The following ZNF425 variants were observed in gnomAD, a reference collection of about 807,000 sequenced individuals.
ZNF425 encodes zinc finger protein 425.
A neutral mutation model predicts 17.0 loss-of-function variants in ZNF425; 21 were observed. That is an observed-to-expected ratio of 1.23 (90% CI 0.88 to 1.78). The LOEUF (loss-of-function observed/expected upper bound fraction) is 1.78. ZNF425 is among the 40% of genes most tolerant of loss of function. The pLI is 0.00. For missense variants in ZNF425, 868 were observed against 967.3 expected (o/e 0.90, Z 1.36); for synonymous variants, 433 against 384.1 (o/e 1.13, Z -1.49).
intron 1 of ZNF425, among the ~76,000 whole-genome samples, chr7:149,124,037 C>T (rs1238810453): frequency 4.1e-5 from 6 of 144,652 alleles, no homozygotes; most frequent in South Asian, 2.2e-4. Context: ...TTAGTAGAGA[C>T]GGGGTTTCAC....
chr7:149,105,090 G>T lies in ZNF425; in HGVS notation c.781C>A (p.Leu261Ile). 6.2e-7 allele frequency: 1 copy of T among 1,614,230 alleles called. No homozygotes were observed. Among genetic ancestry groups the T allele is most frequent in the Non-Finnish European group, 8.5e-7 (1 of 1,180,036 alleles). Residue 261 changes from leucine (L) to isoleucine (I), a missense_variant, in exon 4 of 4, where the codon CTC (leucine) becomes ATC (isoleucine). Leu to Ile is a conservative substitution (Grantham distance 5). Transcript: ENST00000378061. ...CEKSYFLKGSLVTHQVVHTGQ... is the reference protein window; with the variant it reads ...CEKSYFLKGSIVTHQVVHTGQ... ...GTGTGGACAACCTGATGAGTGACGA[G>T]GCTGCCCTTCAGGAAGTAGCTCTTC...
chr7:149,122,240 C>G (rs1307548717), intron 1 of ZNF425, among the ~76,000 whole-genome samples: 2 of 151,854 alleles, frequency 1.3e-5, no homozygotes, highest in African/African-American at 4.8e-5. Flanking sequence ...CCATCTTTTG[C>G]CCATTTTCTA....
chr7:149,109,626 TTGAC>T (rs1382241700), intron 3 of ZNF425, among the ~76,000 whole-genome samples: 1 of 152,216 alleles, frequency 6.6e-6, no homozygotes, highest in African/African-American at 2.4e-5. Flanking sequence ...TATTTTATAG[TTGAC>T]TAATTCAACT....
intron 2 of ZNF425, among the ~76,000 whole-genome samples, chr7:149,113,761 C>T (rs1826211134): frequency 1.3e-5 from 2 of 151,560 alleles, no homozygotes; most frequent in South Asian, 2.1e-4. Flanking sequence ...CCGTGTTAGC[C>T]AGGATGGTCT....
rs1301862311 is a variant in ZNF425 at position 149,103,797 on chromosome 7, T to G, written c.2074A>C (p.Arg692=). The stretch of plus-strand genomic sequence containing the variant: ...CCACACTCGGGACACTGGAAGGGCC[T>G]CTCTCCACTGTGCTTATACAAGTGG... ...KVHLYKHSGE[R]PFQCPECGKG... Residue 692 remains arginine (R), a synonymous_variant, in exon 4 of 4, where the codon AGG becomes CGG. Transcript: ENST00000378061. The G allele has an allele frequency of 6.2e-7, 1 of 1,608,114 alleles. No individual in the cohort carries two copies. Among genetic ancestry groups the G allele is most frequent in the Non-Finnish European group, 8.5e-7 (1 of 1,178,018 alleles).
At chr7:149,118,887 G>A (rs1563148424) in intron 1 of ZNF425, among the ~76,000 whole-genome samples, 1 of 152,104 alleles carries the variant, frequency 6.6e-6, no homozygotes, top group Non-Finnish European at 1.5e-5. Context: ...TCTAAAAAGG[G>A]ATGCTTTACT....
At chr7:149,124,138 C>T (rs1353089645) in intron 1 of ZNF425, among the ~76,000 whole-genome samples, 3 of 151,086 alleles carry the variant, frequency 2.0e-5, no homozygotes, top group African/African-American at 4.9e-5. Flanking sequence ...TGAGCTACCA[C>T]GCCTGGCCTG....
At chr7:149,115,341 CT>C (rs1245957956) in intron 2 of ZNF425, among the ~76,000 whole-genome samples, 17 of 151,830 alleles carry the variant, frequency 1.1e-4, no homozygotes, top group Non-Finnish European at 2.4e-4. Context: ...GTAATGCAGT[CT>C]AGTGGCATAA....
Position 149,103,567 on chromosome 7 carries a change from T to C in ZNF425, c.*45A>G. ...CCTCAACTTGAGCCAACAGAGCTGCTGGCACCTCCTGAAAGCCGACTGCGT... is the reference window on the plus strand; with the variant it reads ...CCTCAACTTGAGCCAACAGAGCTGCCGGCACCTCCTGAAAGCCGACTGCGT... On this transcript the variant is annotated 3_prime_UTR_variant, in exon 4 of 4. Transcript: ENST00000378061. 1.3e-6 allele frequency: 2 copies of C among 1,537,138 alleles called. No individual in the cohort carries two copies. The highest frequency in any genetic ancestry group is 1.7e-6 in the Non-Finnish European group (2 of 1,147,378).
chr7:149,105,641 A>G (rs1316769722), intron 3 of ZNF425, 75 bp from the exon 4 acceptor site: 3 of 985,900 alleles, frequency 3.0e-6, no homozygotes, highest in Non-Finnish European at 4.0e-6. Context: ...TGTCTTTTAA[A>G]AATTTATTAT....
chr7:149,103,672 G>A lies in ZNF425; in HGVS notation c.2199C>T (p.Tyr733=), dbSNP rs761074911. The A allele has an allele frequency of 1.9e-5, 30 of 1,613,874 alleles. No individual in the cohort carries two copies. The highest frequency in any genetic ancestry group is 3.3e-5 in the Admixed American group (2 of 59,924). ...SCDECGRSFT[Y]VGALKTHIAV... Reference sequence around the variant, plus strand: ...CAATGTGGGTCTTGAGCGCCCCCACGTACGTGAAGCTCCTTCCACACTCAT... The same window carrying A: ...CAATGTGGGTCTTGAGCGCCCCCACATACGTGAAGCTCCTTCCACACTCAT... The change falls in exon 4 of 4, where the codon TAC becomes TAT. Residue 733 remains tyrosine, a synonymous_variant. Coordinates refer to ENST00000378061, the MANE Select transcript of ZNF425 (RefSeq NM_001001661.3).
At chr7:149,114,693 G>A (rs1182758441) in intron 2 of ZNF425, among the ~76,000 whole-genome samples, 2 of 150,820 alleles carry the variant, frequency 1.3e-5, no homozygotes, top group East Asian at 3.9e-4. Context: ...CACTGTGCCC[G>A]GCCCAATATT....
chr7:149,114,351 C>G (rs538266396), intron 2 of ZNF425, among the ~76,000 whole-genome samples: 1 of 146,250 alleles, frequency 6.8e-6, no homozygotes, highest in African/African-American at 2.5e-5. Flanking sequence ...GAATTACAGG[C>G]GTGAGCCACT....
At position 149,126,292 on chromosome 7, in the gene ZNF425, T is replaced by G; in HGVS notation, c.-79A>C. ...CCAACCCAACTCCCAGGTACAGCCCTGCTGGCCCCCAAAGGCAGAGCCGGC... is the reference window on the plus strand; with the variant it reads ...CCAACCCAACTCCCAGGTACAGCCCGGCTGGCCCCCAAAGGCAGAGCCGGC... On this transcript the variant is annotated 5_prime_UTR_variant, in exon 1 of 4. Coordinates refer to ENST00000378061, the MANE Select transcript of ZNF425 (RefSeq NM_001001661.3). 6.5e-7 allele frequency: 1 copy of G among 1,548,406 alleles called. No homozygotes were observed. Among genetic ancestry groups the G allele is most frequent in the Non-Finnish European group, 8.7e-7 (1 of 1,147,620 alleles).
At chr7:149,106,587 G>T (rs1363614732) in intron 3 of ZNF425, among the ~76,000 whole-genome samples, 2 of 152,148 alleles carry the variant, frequency 1.3e-5, no homozygotes, top group Non-Finnish European at 2.9e-5. Flanking sequence ...GAATCCCACT[G>T]ATCTCAATGA....
rs1394462069 is a variant in ZNF425 at position 149,103,717 on chromosome 7, C to T, written c.2154G>A (p.Gly718=). 6.2e-7 allele frequency: 1 copy of T among 1,614,204 alleles called. No homozygotes were observed. The highest frequency in any genetic ancestry group is 1.7e-5 in the Admixed American group (1 of 60,012). ...ACTCATCACAAGAAAAAGGCCTCTC[C>T]CCACTGTGAAGGCACAGATGGGCCT... is the stretch of plus-strand genomic sequence containing the variant. ...SLKAHLCLHS[G]ERPFSCDECG... is the part of the protein sequence containing the mutation. The change falls in exon 4 of 4, where the codon GGG becomes GGA. Residue 718 remains glycine (G), a synonymous_variant. Coordinates refer to ENST00000378061, the MANE Select transcript of ZNF425 (RefSeq NM_001001661.3).
At chr7:149,111,007 C>G (rs1442437403) in intron 3 of ZNF425, among the ~76,000 whole-genome samples, 1 of 151,704 alleles carries the variant, frequency 6.6e-6, no homozygotes, top group African/African-American at 2.4e-5. Context: ...GTTGGCCAGG[C>G]TGGTCTCGAA....
Position 149,105,185 on chromosome 7 carries a change from C to T in ZNF425, c.686G>A (p.Gly229Glu). Residue 229 changes from glycine to glutamate, a missense_variant, in exon 4 of 4, where the codon GGG (glycine) becomes GAG (glutamate). By Grantham distance (98) the Gly-to-Glu change is moderately conservative. Coordinates refer to ENST00000378061, the MANE Select transcript of ZNF425 (RefSeq NM_001001661.3). ...CTGCGTCCGCCTGAGTTCGGACTTC[C>T]CTCTGGACGAGTTTTTGTACTTTGG... The part of the protein sequence containing the change: ...RYPKYKNSSR[G>E]KSELRRTQRL... The T allele has an allele frequency of 1.9e-6, 3 of 1,614,186 alleles. No individual in the cohort carries two copies. The highest frequency in any genetic ancestry group is 2.5e-6 in the Non-Finnish European group (3 of 1,180,042).
intron 1 of ZNF425, chr7:149,118,592 C>T: frequency 2.2e-6 from 1 of 456,232 alleles, no homozygotes; most frequent in East Asian, 4.7e-5. Flanking sequence ...GTGGGTGGAT[C>T]ACCTGAGGTC....
Sources: gnomAD v4.1 joint callset for allele counts (sites outside exome capture counted in the v4.1 genomes callset) on GRCh38, gnomAD v4.1.1 for gene constraint, MANE v1.5 for transcripts, NCBI Gene and HGNC (gene_info 2026-07-23, HGNC 2026-07-21) for gene names.